CFAP54: variants seen among roughly 807,000 people sequenced by gnomAD.
CFAP54 encodes the protein cilia- and flagella-associated protein 54.
In CFAP54, 290 loss-of-function variants were observed where a neutral mutation model predicts 370.4. The ratio of observed to expected loss-of-function variants is 0.78; its 90% CI spans 0.71 to 0.86. The LOEUF (loss-of-function observed/expected upper bound fraction) is 0.86, where lower values mean the gene tolerates loss of function less well. CFAP54 is among the 40% of genes least tolerant of loss of function. The pLI, the probability that CFAP54 is intolerant of heterozygous loss-of-function variation, is 0.00. For missense variants in CFAP54, 3,399 were observed against 3,528.7 expected, an observed-to-expected ratio of 0.96 and a Z score of 0.93; for synonymous variants, 1,206 against 1,236.5, an observed-to-expected ratio of 0.98 and a Z score of 0.52.
At chr12:96,771,637 G>A (rs1013364608) in intron 60 of CFAP54, among the ~76,000 whole-genome samples, 9 of 152,054 alleles carry the variant, frequency 5.9e-5, no homozygotes, top group African/African-American at 1.9e-4. Context: ...GGGCAAAAGA[G>A]CGAGACTCCG....
At chr12:96,842,268 C>T (rs1592803462) in intron 66 of CFAP54, among the ~76,000 whole-genome samples, 1 of 152,140 alleles carries the variant, frequency 6.6e-6, no homozygotes, top group African/African-American at 2.4e-5. Flanking sequence ...CATGCAGTCA[C>T]AAGAAATAAT....
chr12:96,667,434 T>C (rs1194813777), intron 39 of CFAP54, among the ~76,000 whole-genome samples: 1 of 152,202 alleles, frequency 6.6e-6, no homozygotes, highest in Non-Finnish European at 1.5e-5. Context: ...GAAATCTAGG[T>C]GGATGTCCCA....
In CFAP54 at chr12:96,751,386, C is replaced by A. The variant is rs549736845; in HGVS notation, c.7685-2357C>A. Among the ~76,000 whole-genome samples, 3 of 152,066 alleles carry A rather than the reference C, an allele frequency of 2.0e-5. No individual in the cohort carries two copies. The South Asian group carries it at 6.2e-4, about 32-fold the overall frequency. ...TAACAATTCTAATTTTAACAAAAATCTAGAAGACAATTCAAGTATTATTTT... is the reference window on the plus strand; with the variant it reads ...TAACAATTCTAATTTTAACAAAAATATAGAAGACAATTCAAGTATTATTTT... On this transcript the variant is annotated intron_variant, in intron 55 of 67. Transcript: ENST00000524981.
At chr12:96,866,974 T>TTCG (rs1304006009) in intron 67 of CFAP54, among the ~76,000 whole-genome samples, 1 of 152,126 alleles carries the variant, frequency 6.6e-6, no homozygotes, top group Non-Finnish European at 1.5e-5. Context: ...ATGCTCAAGT[T>TTCG]GAAAATGTTT....
At chr12:96,493,504 G>A (rs1281210589) in intron 1 of CFAP54, among the ~76,000 whole-genome samples, 1 of 152,166 alleles carries the variant, frequency 6.6e-6, no homozygotes, top group Admixed American at 6.5e-5. Context: ...GTATTTTATG[G>A]TAATTTAGGA....
chr12:96,827,702 T>TATATA (rs1424859698), intron 65 of CFAP54, among the ~76,000 whole-genome samples: 1 of 128,620 alleles, frequency 7.8e-6, no homozygotes, highest in Admixed American at 9.6e-5. Context: ...TAATATATTA[T>TATATA]ATTATATATA....
Position 96,534,042 on chromosome 12 carries a change from G to T in CFAP54, c.1540-20G>T, listed in dbSNP as rs755996183. On this transcript the variant is annotated intron_variant, in intron 10 of 67. Transcript: ENST00000524981. Reference sequence around the variant, plus strand: ...ATGACATCCAATTACTAATTAACGTGTGGGATATACTTCCCCAAGAGGCAG... The same window carrying T: ...ATGACATCCAATTACTAATTAACGTTTGGGATATACTTCCCCAAGAGGCAG... 15 of 1,506,592 alleles carry T rather than the reference G, an allele frequency of 1.0e-5. No homozygotes were observed. Among genetic ancestry groups the T allele is most frequent in the Non-Finnish European group, 1.2e-5 (14 of 1,135,428 alleles). The allele number at this position is 1,506,592 out of a possible 1,614,324, so 93.3% of individuals were successfully genotyped here.
At chr12:96,530,566 C>A (rs993549539) in intron 9 of CFAP54, among the ~76,000 whole-genome samples, 2 of 152,154 alleles carry the variant, frequency 1.3e-5, no homozygotes, top group Non-Finnish European at 2.9e-5. Context: ...GTTTGTTTAA[C>A]CACTTACCCT....
chr12:96,533,771 ACT>A lies in CFAP54; in HGVS notation c.1358-16_1358-15del, dbSNP rs1955469187. The A allele has an allele frequency of 6.8e-7, 1 of 1,478,114 alleles. No individual in the cohort carries two copies. Among genetic ancestry groups the A allele is most frequent in the Non-Finnish European group, 8.9e-7 (1 of 1,120,738 alleles). The allele number at this position is 1,478,114 out of a possible 1,614,324, so 91.6% of individuals were successfully genotyped here. A position where few individuals can be genotyped will look rare whatever the true frequency, so the allele number is the denominator to read the frequency against. On this transcript the variant is annotated intron_variant, in intron 9 of 67. Coordinates refer to ENST00000524981, the MANE Select transcript of CFAP54 (RefSeq NM_001306084.2). ...TTTATTTGCATGAGTGATATTCAAA[ACT>A]CTCTTCTTCCTTTCCTAGTGTCAAA...
rs938897667 is a variant in CFAP54 at position 96,664,050 on chromosome 12, G to A, written c.5563+118G>A. ...TGTAAAAATGTATTTTGCAGGTTTA[G>A]TTGACTAAAAATAATGCATTTGATT... On this transcript the variant is annotated intron_variant, in intron 39 of 67. Transcript: ENST00000524981. 6.5e-6 allele frequency: 5 copies of A among 772,458 alleles called. No individual in the cohort carries two copies. In the East Asian group the frequency reaches 1.4e-4, roughly 21 times the overall value. The allele number at this position is 772,458 out of a possible 1,614,324, so 47.9% of individuals were successfully genotyped here.
At chr12:96,534,000 G>GTT in intron 10 of CFAP54, 27 bp downstream of exon 10, 8 of 1,408,276 alleles carry the variant, frequency 5.7e-6, no homozygotes, top group Admixed American at 5.3e-5. Context: ...TATCCTCCTG[G>GTT]TTTTTTTTTT....
chr12:96,607,260 A>C (rs1222884061), intron 26 of CFAP54, among the ~76,000 whole-genome samples: 1 of 152,172 alleles, frequency 6.6e-6, no homozygotes, highest in Non-Finnish European at 1.5e-5. Flanking sequence ...CTCCAAGGGA[A>C]GAAGAGCAAG....
At chr12:96,687,880 C>T (rs1003112101) in intron 42 of CFAP54, among the ~76,000 whole-genome samples, 1 of 152,206 alleles carries the variant, frequency 6.6e-6, no homozygotes, top group South Asian at 2.1e-4. Context: ...CTCCGCTTCT[C>T]TGAGCTTCTG....
chr12:96,500,970 G>T, intron 2 of CFAP54, 31 bp downstream of exon 2: 5 of 1,347,298 alleles, frequency 3.7e-6, no homozygotes, highest in East Asian at 2.5e-5. Context: ...GAGCCAAAAA[G>T]AAGTTCATTT....
chr12:96,619,488 A>G (rs1289063911), intron 26 of CFAP54, among the ~76,000 whole-genome samples: 1 of 152,172 alleles, frequency 6.6e-6, no homozygotes, highest in Non-Finnish European at 1.5e-5. Flanking sequence ...TTTTTTTTCT[A>G]ACATGCCACT....
chr12:96,829,013 G>A lies in CFAP54; in HGVS notation c.9097-1G>A. ...CTGTATTACTATCTTCTTATTTCTA[G>A]GACATGATTATTCAATGTTGCTCTG... On this transcript the variant is annotated splice_acceptor_variant, in intron 65 of 67. Transcript: ENST00000524981. LOFTEE classifies it high-confidence loss of function. 6.8e-7 allele frequency: 1 copy of A among 1,480,978 alleles called. No individual in the cohort carries two copies. Among genetic ancestry groups the A allele is most frequent in the Non-Finnish European group, 9.1e-7 (1 of 1,100,306 alleles). 91.7% of individuals were successfully genotyped at this position (1,480,978 alleles called of 1,614,324 possible). A position where few individuals can be genotyped will look rare whatever the true frequency, so the allele number is the denominator to read the frequency against.
chr12:96,652,307 G>A (rs1395382596), intron 36 of CFAP54, among the ~76,000 whole-genome samples: 1 of 152,146 alleles, frequency 6.6e-6, no homozygotes, highest in Non-Finnish European at 1.5e-5. Context: ...TAAACGCATT[G>A]AAAATTAGTA....
At chr12:96,571,794 C>T (rs1476308623) in intron 19 of CFAP54, among the ~76,000 whole-genome samples, 1 of 152,120 alleles carries the variant, frequency 6.6e-6, no homozygotes, top group East Asian at 1.9e-4. Flanking sequence ...AAGCCCCAGG[C>T]ACTTTCTCAT....
At chr12:96,700,323 T>C (rs545349764) in intron 46 of CFAP54, among the ~76,000 whole-genome samples, 2 of 152,304 alleles carry the variant, frequency 1.3e-5, no homozygotes, top group South Asian at 4.1e-4. Context: ...AATCGAATTC[T>C]GGCTCAGGGA....
Sources: allele counts gnomAD v4.1 joint callset (sites outside exome capture counted in the v4.1 genomes callset), GRCh38; gene constraint gnomAD v4.1.1; transcripts MANE v1.5; gene names NCBI Gene and HGNC (gene_info 2026-07-23, HGNC 2026-07-21).